Variants in DNAJC3 observed in about 807,000 individuals in gnomAD.
DNAJC3 encodes dnaJ homolog subfamily C member 3.
In DNAJC3, 38 loss-of-function variants were observed where a neutral mutation model predicts 68.6. The observed-to-expected ratio is 0.55, with a 90% CI of 0.43 to 0.73. The LOEUF (loss-of-function observed/expected upper bound fraction) is 0.73, where lower values mean the gene tolerates loss of function less well. Among genes scored for constraint, DNAJC3 ranks in the 30% least tolerant of loss-of-function variants. The pLI is 0.00. For synonymous variants in DNAJC3, 203 were observed against 204.0 expected (o/e 1.00, Z 0.04); for missense variants, 526 against 591.9 (o/e 0.89, Z 1.16).
At chr13:95,708,767 C>T (rs1593967383) in intron 1 of DNAJC3, among the ~76,000 whole-genome samples, 1 of 152,130 alleles carries the variant, frequency 6.6e-6, no homozygotes, top group Non-Finnish European at 1.5e-5. Context: ...TAACATCAGG[C>T]GCCAGGACGG....
At chr13:95,767,593 T>C (rs1883025965) in intron 9 of DNAJC3, among the ~76,000 whole-genome samples, 1 of 152,134 alleles carries the variant, frequency 6.6e-6, no homozygotes. Flanking sequence ...TTGAGGAACC[T>C]CCACACTGGT....
intron 1 of DNAJC3, among the ~76,000 whole-genome samples, chr13:95,707,267 A>G (rs1343945146): frequency 2.6e-5 from 4 of 152,092 alleles, no homozygotes; most frequent in Non-Finnish European, 5.9e-5. Flanking sequence ...TGTGTGGCCC[A>G]GTTCCTAACA....
intron 4 of DNAJC3, among the ~76,000 whole-genome samples, chr13:95,748,945 A>T (rs193050338): frequency 2.0e-5 from 3 of 152,206 alleles, no homozygotes; most frequent in Non-Finnish European, 4.4e-5. Context: ...TAAAGATAGC[A>T]CTTTATGCTA....
At chr13:95,741,055 C>T (rs968556616) in intron 4 of DNAJC3, among the ~76,000 whole-genome samples, 1 of 152,256 alleles carries the variant, frequency 6.6e-6, no homozygotes, top group South Asian at 2.1e-4. Flanking sequence ...TGGTATTTCA[C>T]AAATTTCTTT....
intron 2 of DNAJC3, among the ~76,000 whole-genome samples, chr13:95,714,788 T>G (rs993922100): frequency 2.6e-5 from 4 of 152,260 alleles, no homozygotes; most frequent in African/African-American, 7.2e-5. Flanking sequence ...CTACTACCAT[T>G]AGAATGTTTG....
chr13:95,769,859 G>T (rs1883111710), intron 9 of DNAJC3, among the ~76,000 whole-genome samples: 1 of 152,204 alleles, frequency 6.6e-6, no homozygotes, highest in Non-Finnish European at 1.5e-5. Flanking sequence ...GTAAAACATT[G>T]TACTCCCTCT....
chr13:95,711,632 G>T (rs937378971), intron 2 of DNAJC3, among the ~76,000 whole-genome samples: 1 of 151,990 alleles, frequency 6.6e-6, no homozygotes, highest in East Asian at 1.9e-4. Context: ...GCCATTCCAC[G>T]CAAATAAAGG....
intron 4 of DNAJC3, among the ~76,000 whole-genome samples, chr13:95,734,802 C>A (rs972344587): frequency 1.4e-5 from 2 of 147,066 alleles, no homozygotes; most frequent in African/African-American, 5.0e-5. Context: ...TTGCTGTCGT[C>A]TATTGTTGAA....
intron 4 of DNAJC3, among the ~76,000 whole-genome samples, chr13:95,730,385 G>A (rs1377513757): frequency 2.0e-5 from 3 of 152,096 alleles, no homozygotes; most frequent in African/African-American, 7.2e-5. Flanking sequence ...ACTTTGCATA[G>A]ACCAATGTCT....
intron 1 of DNAJC3, among the ~76,000 whole-genome samples, chr13:95,700,269 T>C (rs998575105): frequency 1.3e-5 from 2 of 152,210 alleles, no homozygotes; most frequent in Admixed American, 6.5e-5. Flanking sequence ...CCTTTACTTA[T>C]GAAAATTTTC....
chr13:95,711,237 G>A (rs923118956), intron 2 of DNAJC3, among the ~76,000 whole-genome samples: 2 of 152,122 alleles, frequency 1.3e-5, no homozygotes, highest in African/African-American at 4.8e-5. Context: ...GGTGGCCCAC[G>A]CCTGTAATCC....
At chr13:95,719,902 A>G (rs190326323) in intron 2 of DNAJC3, among the ~76,000 whole-genome samples, 34 of 152,252 alleles carry the variant, frequency 2.2e-4, no homozygotes, top group Middle Eastern at 3.4e-3. Context: ...ATAGAAATCT[A>G]ATGTAGTTTA....
chr13:95,736,021 G>C (rs1431828456), intron 4 of DNAJC3, among the ~76,000 whole-genome samples: 1 of 152,128 alleles, frequency 6.6e-6, no homozygotes, highest in East Asian at 1.9e-4. Context: ...AAGGGATCCA[G>C]TTTCAGCTTT....
At chr13:95,786,513 C>G (rs1190600009) in intron 10 of DNAJC3, among the ~76,000 whole-genome samples, 2 of 152,188 alleles carry the variant, frequency 1.3e-5, no homozygotes, top group Non-Finnish European at 2.9e-5. Flanking sequence ...AATGATACAC[C>G]TCCCAGTGCC....
chr13:95,773,579 A>G (rs1025593822), intron 9 of DNAJC3, among the ~76,000 whole-genome samples: 6 of 151,982 alleles, frequency 3.9e-5, no homozygotes, highest in Non-Finnish European at 8.8e-5. Context: ...GACATTGCTG[A>G]ATTTGTTGGC....
intron 1 of DNAJC3, among the ~76,000 whole-genome samples, chr13:95,691,339 G>T (rs1490021763): frequency 6.6e-6 from 1 of 151,204 alleles, no homozygotes; most frequent in Non-Finnish European, 1.5e-5. Flanking sequence ...CTTCTCAGAC[G>T]GGGCGGTTGC....
chr13:95,725,953 C>T (rs1392501582), intron 4 of DNAJC3, among the ~76,000 whole-genome samples: 1 of 151,420 alleles, frequency 6.6e-6, no homozygotes, highest in Non-Finnish European at 1.5e-5. Flanking sequence ...CGATAGTTTG[C>T]TGAGAATGAT....
At chr13:95,778,303 G>A (rs1014546906) in intron 9 of DNAJC3, among the ~76,000 whole-genome samples, 4 of 152,118 alleles carry the variant, frequency 2.6e-5, no homozygotes, top group Admixed American at 1.3e-4. Context: ...TTTGGTACTG[G>A]TATAAAGGCT....
chr13:95,764,948 T>A lies in DNAJC3; in HGVS notation c.1075+995T>A, dbSNP rs924522070. On this transcript the variant is annotated intron_variant, in intron 9 of 11. Coordinates refer to ENST00000602402, the MANE Select transcript of DNAJC3 (RefSeq NM_006260.5). ...CTTACAGTTAAATGAAGGGTTCGAATGGTAAAATTTGGTTTGTGATACTCT... is the reference window on the plus strand; with the variant it reads ...CTTACAGTTAAATGAAGGGTTCGAAAGGTAAAATTTGGTTTGTGATACTCT... Among the ~76,000 whole-genome samples the A allele has an allele frequency of 1.3e-4, 20 of 151,840 alleles. No individual in the cohort carries two copies. The East Asian group carries it at 3.9e-3, about 29-fold the overall frequency.
Sources: gnomAD v4.1 joint callset for allele counts (sites outside exome capture counted in the v4.1 genomes callset) on GRCh38, gnomAD v4.1.1 for gene constraint, MANE v1.5 for transcripts, NCBI Gene and HGNC (gene_info 2026-07-23, HGNC 2026-07-21) for gene names.